The following MECOM variants were observed in gnomAD, a reference collection of about 807,000 sequenced individuals.
MECOM encodes histone-lysine N-methyltransferase MECOM.
MECOM carries 13 observed loss-of-function variants against 116.3 expected under a neutral mutation model. The observed-to-expected ratio is 0.11, with a 90% CI of 0.07 to 0.18. The LOEUF (loss-of-function observed/expected upper bound fraction) is 0.18, where lower values mean the gene tolerates loss of function less well. Ranked by LOEUF, MECOM falls within the 10% of genes least tolerant of loss-of-function variation. The probability of loss-of-function intolerance (pLI) is 1.00; values close to 1 mark genes in which losing one functional copy is unlikely to be tolerated. For missense variants in MECOM, 1,299 were observed against 1,509.0 expected (o/e 0.86, Z 2.31); for synonymous variants, 528 against 535.2 (o/e 0.99, Z 0.19).
At chr3:169,314,079 C>T (rs1207813479) in intron 2 of MECOM, among the ~76,000 whole-genome samples, 1 of 152,224 alleles carries the variant, frequency 6.6e-6, no homozygotes, top group Non-Finnish European at 1.5e-5. Context: ...ACTGTATGAT[C>T]TGCTGTACAC....
intron 16 of MECOM, among the ~76,000 whole-genome samples, chr3:169,087,948 C>T (rs1239784767): frequency 6.6e-6 from 1 of 152,122 alleles, no homozygotes; most frequent in Non-Finnish European, 1.5e-5. Flanking sequence ...TTTATTTTAC[C>T]TATTACCATA....
intron 1 of MECOM, among the ~76,000 whole-genome samples, chr3:169,462,267 T>C (rs996023695): frequency 6.6e-6 from 1 of 152,118 alleles, no homozygotes; most frequent in Non-Finnish European, 1.5e-5. Context: ...TCAAGCATTA[T>C]ATAGATGTAA....
At chr3:169,484,381 C>T (rs73174319) in intron 1 of MECOM, among the ~76,000 whole-genome samples, 2 of 151,934 alleles carry the variant, frequency 1.3e-5, no homozygotes, top group Non-Finnish European at 2.9e-5. Flanking sequence ...AGGTAACAAA[C>T]TTAGGGAGAA....
At chr3:169,300,894 C>T (rs766733805) in intron 2 of MECOM, among the ~76,000 whole-genome samples, 1 of 152,216 alleles carries the variant, frequency 6.6e-6, no homozygotes, top group Non-Finnish European at 1.5e-5. Context: ...CACTCCAACA[C>T]CTTGTTGGGT....
intron 1 of MECOM, among the ~76,000 whole-genome samples, chr3:169,479,384 G>C (rs1750946956): frequency 6.6e-6 from 1 of 151,840 alleles, no homozygotes; most frequent in Non-Finnish European, 1.5e-5. Context: ...TAAGAAAGGA[G>C]AAAGTTTGGG....
intron 1 of MECOM, among the ~76,000 whole-genome samples, chr3:169,422,199 C>T (rs1739889999): frequency 1.3e-5 from 2 of 151,976 alleles, no homozygotes; most frequent in South Asian, 2.1e-4. Context: ...ATTCACATCC[C>T]TTTGTTATTT....
At chr3:169,604,872 A>G (rs897370345) in intron 1 of MECOM, among the ~76,000 whole-genome samples, 2 of 152,206 alleles carry the variant, frequency 1.3e-5, no homozygotes, top group Admixed American at 1.3e-4. Flanking sequence ...TTGTAGAAAC[A>G]GTATTCTTGG....
intron 1 of MECOM, among the ~76,000 whole-genome samples, chr3:169,588,001 AC>A (rs1765974288): frequency 6.6e-6 from 1 of 152,210 alleles, no homozygotes; most frequent in South Asian, 2.1e-4. Flanking sequence ...TAATTTAATT[AC>A]CATAATAATT....
chr3:169,217,009 A>G (rs533513866), intron 2 of MECOM, among the ~76,000 whole-genome samples: 1 of 152,344 alleles, frequency 6.6e-6, no homozygotes, highest in African/African-American at 2.4e-5. Flanking sequence ...CAGGTATGAT[A>G]CCATAGAGAA....
chr3:169,576,826 CACACACACACACAGAG>C (rs1403661828), intron 1 of MECOM, among the ~76,000 whole-genome samples: 1 of 129,558 alleles, frequency 7.7e-6, no homozygotes, highest in Non-Finnish European at 1.6e-5. Context: ...CACACACACA[CACACACACACACAGAG>C]AGAGAGAGAG....
At chr3:169,590,557 G>C (rs1766288718) in intron 1 of MECOM, among the ~76,000 whole-genome samples, 1 of 152,144 alleles carries the variant, frequency 6.6e-6, no homozygotes, top group South Asian at 2.1e-4. Context: ...CTGTCACATA[G>C]GTACAAAGGA....
intron 1 of MECOM, among the ~76,000 whole-genome samples, chr3:169,537,757 A>G (rs75867173): frequency 0.017 from 2,563 of 152,146 alleles, 26 homozygotes; most frequent in Non-Finnish European, 0.025. Flanking sequence ...TTCAAATCCT[A>G]TCACAAATGC....
At chr3:169,639,921 G>A (rs147086826) in intron 1 of MECOM, among the ~76,000 whole-genome samples, 208 of 152,196 alleles carry the variant, frequency 1.4e-3, no homozygotes, top group African/African-American at 4.2e-3. Context: ...CTAATGCTAT[G>A]CTATGTGTCC....
At chr3:169,195,863 T>A (rs1167885155) in intron 2 of MECOM, among the ~76,000 whole-genome samples, 6 of 152,008 alleles carry the variant, frequency 3.9e-5, no homozygotes, top group Non-Finnish European at 5.9e-5. Context: ...TTTGATCACA[T>A]AAATACTCAT....
chr3:169,405,117 C>T (rs1390800408), intron 1 of MECOM, among the ~76,000 whole-genome samples: 1 of 152,206 alleles, frequency 6.6e-6, no homozygotes, highest in Admixed American at 6.5e-5. Flanking sequence ...CACAGCTTTG[C>T]TAATGTTCTA....
chr3:169,512,526 C>A (rs908767968), intron 1 of MECOM, among the ~76,000 whole-genome samples: 5 of 152,220 alleles, frequency 3.3e-5, no homozygotes, highest in African/African-American at 1.2e-4. Flanking sequence ...CCGTTCTCCT[C>A]ATGCCCAATA....
At chr3:169,509,943 A>C (rs1484679360) in intron 1 of MECOM, among the ~76,000 whole-genome samples, 2 of 152,226 alleles carry the variant, frequency 1.3e-5, no homozygotes, top group Admixed American at 6.5e-5. Context: ...CTCACTTTGT[A>C]CCACACCAAC....
At chr3:169,275,397 G>A (rs576504259) in intron 2 of MECOM, among the ~76,000 whole-genome samples, 1 of 152,274 alleles carries the variant, frequency 6.6e-6, no homozygotes, top group African/African-American at 2.4e-5. Context: ...ATTTATTTAG[G>A]ATTGAAATGG....
At position 169,629,211 on chromosome 3, in the gene MECOM, C is replaced by T. The variant is rs552372355; in HGVS notation, c.37+34125G>A. 1.9e-3 allele frequency among the ~76,000 whole-genome samples: 279 copies of T among 150,152 alleles called. 2 individuals carry two copies. The highest frequency in any genetic ancestry group is 3.2e-3 in the Non-Finnish European group (218 of 67,732). On this transcript the variant is annotated intron_variant, in intron 1 of 16. Coordinates refer to ENST00000651503, the MANE Select transcript of MECOM (RefSeq NM_004991.4). ...AGTTATGGTATATTTATGATGTTTACATATAATAAATATATGCATTTTACA... is the reference window on the plus strand; with the variant it reads ...AGTTATGGTATATTTATGATGTTTATATATAATAAATATATGCATTTTACA...
Sources: allele counts gnomAD v4.1 joint callset (sites outside exome capture counted in the v4.1 genomes callset), GRCh38; gene constraint gnomAD v4.1.1; transcripts MANE v1.5; gene names NCBI Gene and HGNC (gene_info 2026-07-23, HGNC 2026-07-21).